The following CD83 variants were observed in gnomAD, a reference collection of about 807,000 sequenced individuals.
CD83 encodes the protein CD83 molecule.
A neutral mutation model predicts 24.6 loss-of-function variants in CD83; 22 were observed. The observed-to-expected ratio is 0.90, with a 90% CI of 0.64 to 1.28. The LOEUF is 1.28. Ranked by LOEUF, CD83 falls within the 50% of genes most tolerant of loss-of-function variation. The probability of loss-of-function intolerance (pLI) is 0.00; values close to 1 mark genes in which losing one functional copy is unlikely to be tolerated. For missense variants in CD83, 253 were observed against 252.8 expected (o/e 1.00, Z -0.01); for synonymous variants, 101 against 103.5 (o/e 0.98, Z 0.14).
At chr6:14,131,264 C>G (rs1014455396) in intron 2 of CD83, among the ~76,000 whole-genome samples, 28 of 152,202 alleles carry the variant, frequency 1.8e-4, no homozygotes, top group African/African-American at 6.5e-4. Context: ...CAGTGACTCT[C>G]TCTCCCTAAT....
intron 2 of CD83, among the ~76,000 whole-genome samples, chr6:14,126,312 T>A (rs1281617566): frequency 3.3e-5 from 5 of 152,206 alleles, no homozygotes; most frequent in African/African-American, 1.2e-4. Context: ...AGTAGTAACA[T>A]CTTCAGGGCT....
intron 3 of CD83, 120 bp downstream of exon 3, chr6:14,131,868 T>G (rs1254496757): frequency 7.5e-6 from 5 of 671,056 alleles, no homozygotes; most frequent in Non-Finnish European, 1.3e-5. Flanking sequence ...CATCTGTGGC[T>G]GAAAGTGGAA....
chr6:14,133,860 A>G, intron 4 of CD83, 105 bp downstream of exon 4: 1 of 713,438 alleles, frequency 1.4e-6, no homozygotes, highest in Admixed American at 2.6e-5. Context: ...GGTGAGAGAG[A>G]TTATTCTTTG....
rs1416689034 is a variant in CD83 at position 14,129,642 on chromosome 6, G to A, written c.154-1878G>A. Reference sequence around the variant, plus strand: ...GGATTTATGTCCGCAGACTCGGCCTGAGAAGAGCCGTTCATCTCAGCTCAG... The same window carrying A: ...GGATTTATGTCCGCAGACTCGGCCTAAGAAGAGCCGTTCATCTCAGCTCAG... On this transcript the variant is annotated intron_variant, in intron 2 of 4. Transcript: ENST00000379153. The surrounding 1 kb of genome is among the most constrained non-coding windows in gnomAD (Gnocchi z 4.3). 1.3e-5 allele frequency among the ~76,000 whole-genome samples: 2 copies of A among 152,148 alleles called. No homozygotes were observed. Among genetic ancestry groups the A allele is most frequent in the Non-Finnish European group, 1.5e-5 (1 of 68,036 alleles).
chr6:14,125,918 G>T (rs1759797624), intron 2 of CD83, among the ~76,000 whole-genome samples: 2 of 152,252 alleles, frequency 1.3e-5, no homozygotes, highest in South Asian at 4.1e-4. Flanking sequence ...AGTGTCAGTG[G>T]TAAGGAAATG....
At chr6:14,122,127 G>T (rs1404863765) in intron 2 of CD83, among the ~76,000 whole-genome samples, 1 of 152,146 alleles carries the variant, frequency 6.6e-6, no homozygotes, top group Non-Finnish European at 1.5e-5. Context: ...GGAAGTAAGA[G>T]TGTGACTTCA....
At chr6:14,118,977 G>A (rs1759608703) in intron 2 of CD83, among the ~76,000 whole-genome samples, 1 of 152,286 alleles carries the variant, frequency 6.6e-6, no homozygotes, top group African/African-American at 2.4e-5. Context: ...TGCACTTGTA[G>A]CTTTCCCCAA....
chr6:14,117,602 ACGGGGG>A (rs1759558253), upstream of CD83: 10 of 134,362 alleles, frequency 7.4e-5, no homozygotes, highest in South Asian at 4.9e-3. The surrounding 1 kb of genome is among the most constrained non-coding windows in gnomAD (Gnocchi z 4.6). Context: ...GGGGGCGGGG[ACGGGGG>A]CGGGGACGGG....
intron 3 of CD83, among the ~76,000 whole-genome samples, chr6:14,132,221 G>A (rs1020187616): frequency 4.6e-5 from 7 of 152,288 alleles, no homozygotes; most frequent in African/African-American, 1.4e-4. Context: ...CAACTGGCAT[G>A]TTATGTATGG....
In CD83 at chr6:14,119,693, G is replaced by A. The variant is rs192434668; in HGVS notation, c.153+1628G>A. Among the ~76,000 whole-genome samples the A allele has an allele frequency of 1.1e-4, 17 of 152,316 alleles. No homozygotes were observed. The South Asian group carries it at 1.2e-3, about 11-fold the overall frequency. ...AACTTAAGATAAAGAAAATCAAAGT[G>A]CCCCTGGGCTAACCAGGCAGGGACT... On this transcript the variant is annotated intron_variant, in intron 2 of 4. Transcript: ENST00000379153.
In CD83 at chr6:14,117,910, G is replaced by C. The variant is rs377641266; in HGVS notation, c.38-40G>C. 10 of 1,585,708 alleles carry C rather than the reference G, an allele frequency of 6.3e-6. No individual in the cohort carries two copies. The highest frequency in any genetic ancestry group is 1.3e-5 in the African/African-American group (1 of 74,648). On this transcript the variant is annotated intron_variant, in intron 1 of 4. Transcript: ENST00000379153. This position sits in a 1 kb window ranked among gnomAD's most constrained non-coding sequence, Gnocchi z 4.6. ...CCGCCCCTCCACGACACCCCCTCCC[G>C]TCGGTCGCTTGCTCACGACGCGCTC...
At chr6:14,124,346 T>C (rs559436076) in intron 2 of CD83, among the ~76,000 whole-genome samples, 2 of 152,348 alleles carry the variant, frequency 1.3e-5, no homozygotes, top group South Asian at 4.1e-4. Flanking sequence ...GTATTACCGA[T>C]AGAATTGAGG....
intron 2 of CD83, among the ~76,000 whole-genome samples, chr6:14,123,849 C>T (rs1301641484): frequency 1.3e-5 from 2 of 151,144 alleles, no homozygotes; most frequent in African/African-American, 2.4e-5. Flanking sequence ...GTCTTAGCTA[C>T]GTACTTGGCA....
chr6:14,136,692 T>G lies in CD83; in HGVS notation c.*1456T>G, dbSNP rs574224334. On this transcript the variant is annotated 3_prime_UTR_variant, in exon 5 of 5. Transcript: ENST00000379153. ...TGCATGTGAAGAAAGGGTGTTTTTC[T>G]GTTTTATATTCAACTCATAAGACTT... The G allele has an allele frequency of 6.6e-6, 1 of 152,340 alleles. No individual in the cohort carries two copies. Among genetic ancestry groups the G allele is most frequent in the African/African-American group, 2.4e-5 (1 of 41,584 alleles). 9.4% of individuals were successfully genotyped at this position (152,340 alleles called of 1,614,324 possible). A position where few individuals can be genotyped will look rare whatever the true frequency, so the allele number is the denominator to read the frequency against.
Position 14,129,474 on chromosome 6 carries a change from T to C in CD83, c.154-2046T>C, listed in dbSNP as rs548799746. The stretch of plus-strand genomic sequence containing the variant: ...TCTGGAATCAGATGGACACTGTTAG[T>C]TTCCTCTAAATTTCCTTGGCCCCAC... On this transcript the variant is annotated intron_variant, in intron 2 of 4. Transcript: ENST00000379153. This position sits in a 1 kb window ranked among gnomAD's most constrained non-coding sequence, Gnocchi z 4.3. 4.7e-4 allele frequency among the ~76,000 whole-genome samples: 71 copies of C among 152,326 alleles called. No individual in the cohort carries two copies. Among genetic ancestry groups the C allele is most frequent in the African/African-American group, 1.5e-3 (64 of 41,564 alleles).
chr6:14,133,814 A>C, intron 4 of CD83, 59 bp downstream of exon 4: 1 of 1,135,988 alleles, frequency 8.8e-7, no homozygotes, highest in African/African-American at 1.7e-5. Context: ...CACCAATCCA[A>C]GTATCTCTTG....
intron 2 of CD83, among the ~76,000 whole-genome samples, chr6:14,123,378 C>T (rs1392700158): frequency 6.6e-6 from 1 of 152,056 alleles, no homozygotes; most frequent in Non-Finnish European, 1.5e-5. Flanking sequence ...GGATTACAGG[C>T]GTAAGCCACC....
intron 2 of CD83, among the ~76,000 whole-genome samples, chr6:14,121,008 G>T (rs1759657402): frequency 6.6e-6 from 1 of 152,164 alleles, no homozygotes. Context: ...ATTCCTGTTG[G>T]CCCAGCTCTT....
chr6:14,124,575 G>A (rs1023991928), intron 2 of CD83, among the ~76,000 whole-genome samples: 2 of 152,140 alleles, frequency 1.3e-5, no homozygotes, highest in Non-Finnish European at 2.9e-5. Flanking sequence ...GACTGGCCTC[G>A]AGGCTGGAGC....
Sources: allele counts gnomAD v4.1 joint callset (sites outside exome capture counted in the v4.1 genomes callset), GRCh38; gene constraint gnomAD v4.1.1; non-coding constraint Gnocchi (gnomAD v3.1); transcripts MANE v1.5; gene names NCBI Gene and HGNC (gene_info 2026-07-23, HGNC 2026-07-21).